Variants in TMTC4 observed in about 807,000 individuals in gnomAD.
TMTC4 encodes the protein transmembrane O-mannosyltransferase targeting cadherins 4, also known as protein O-mannosyl-transferase TMTC4.
A neutral mutation model predicts 86.0 loss-of-function variants in TMTC4; 65 were observed. The ratio of observed to expected loss-of-function variants is 0.76; its 90% CI spans 0.62 to 0.93. The LOEUF is 0.93. TMTC4 is among the 40% of genes least tolerant of loss of function. The pLI is 0.00. For missense variants in TMTC4, 866 were observed against 948.1 expected (o/e 0.91, Z 1.14); for synonymous variants, 379 against 382.5 (o/e 0.99, Z 0.11).
chr13:100,641,676 G>A (rs904209159), intron 7 of TMTC4, among the ~76,000 whole-genome samples: 2 of 152,092 alleles, frequency 1.3e-5, no homozygotes, highest in African/African-American at 4.8e-5. Flanking sequence ...TAGTAGAGAA[G>A]GGGTTTCTCC....
At chr13:100,626,445 T>A (rs778114980) in intron 12 of TMTC4, among the ~76,000 whole-genome samples, 7 of 152,214 alleles carry the variant, frequency 4.6e-5, no homozygotes, top group African/African-American at 7.2e-5. Flanking sequence ...CTGGGCTTTT[T>A]AAAATTTTAC....
chr13:100,613,841 C>G (rs1878034377), intron 16 of TMTC4, among the ~76,000 whole-genome samples: 1 of 135,664 alleles, frequency 7.4e-6, no homozygotes, highest in East Asian at 2.4e-4. Context: ...CCCTACCCGC[C>G]CCCCCCTTTT....
chr13:100,673,772 A>G (rs1427918339), intron 1 of TMTC4, among the ~76,000 whole-genome samples: 1 of 152,180 alleles, frequency 6.6e-6, no homozygotes, highest in Admixed American at 6.5e-5. Flanking sequence ...GCTAGCTTGT[A>G]GCCATTTCCC....
intron 5 of TMTC4, among the ~76,000 whole-genome samples, chr13:100,659,958 T>C (rs1885564125): frequency 6.7e-6 from 1 of 148,518 alleles, no homozygotes; most frequent in Admixed American, 6.8e-5. Context: ...TTATTTGCAG[T>C]GGGAAAAATC....
chr13:100,671,501 T>C (rs1887099233), intron 1 of TMTC4, among the ~76,000 whole-genome samples: 1 of 152,134 alleles, frequency 6.6e-6, no homozygotes, highest in African/African-American at 2.4e-5. Flanking sequence ...CCCCAGGATA[T>C]ATAAGGCAGA....
At chr13:100,640,883 A>G (rs909967893) in intron 7 of TMTC4, among the ~76,000 whole-genome samples, 1 of 152,044 alleles carries the variant, frequency 6.6e-6, no homozygotes, top group Admixed American at 6.6e-5. Flanking sequence ...CTTAATTTCT[A>G]TATTTTCTTC....
chr13:100,650,190 C>T (rs888298801), intron 6 of TMTC4, among the ~76,000 whole-genome samples: 2 of 152,224 alleles, frequency 1.3e-5, no homozygotes, highest in African/African-American at 2.4e-5. Context: ...CAATAGTTTA[C>T]GATCCAGAAT....
chr13:100,653,060 T>TA (rs1316701576), intron 6 of TMTC4, among the ~76,000 whole-genome samples: 2 of 152,230 alleles, frequency 1.3e-5, no homozygotes, highest in African/African-American at 4.8e-5. Flanking sequence ...ATGGGGCTCT[T>TA]ACTGCTTCTT....
intron 1 of TMTC4, chr13:100,674,172 G>GCGCCCGGT: frequency 2.1e-6 from 2 of 973,382 alleles, no homozygotes; most frequent in Non-Finnish European, 2.4e-6. Flanking sequence ...GTGGCCCCGG[G>GCGCCCGGT]CGCCCGGGCC....
Position 100,663,749 on chromosome 13 carries a change from G to A in TMTC4, c.335+472C>T, listed in dbSNP as rs530805290. 9.9e-5 allele frequency among the ~76,000 whole-genome samples: 15 copies of A among 152,258 alleles called. No homozygotes were observed. The South Asian group carries it at 2.3e-3, about 23-fold the overall frequency. On this transcript the variant is annotated intron_variant, in intron 4 of 18. Coordinates refer to ENST00000342624, the MANE Select transcript of TMTC4 (RefSeq NM_032813.5). ...TACTCACAAGTGTTTAAATGCACCC[G>A]AGGAGCAGGTATGGACGAGAACCTT...
At chr13:100,670,293 AG>A in intron 2 of TMTC4, 66 bp downstream of exon 2, 1 of 1,563,040 alleles carries the variant, frequency 6.4e-7, no homozygotes, top group South Asian at 1.2e-5. Flanking sequence ...CTGAAGTCAC[AG>A]GCATCTTTCT....
chr13:100,624,030 G>T, intron 15 of TMTC4: 1 of 271,386 alleles, frequency 3.7e-6, no homozygotes, highest in Admixed American at 4.0e-5. Flanking sequence ...GTTATCAATA[G>T]AAACACCACC....
intron 15 of TMTC4, among the ~76,000 whole-genome samples, chr13:100,622,224 T>A (rs1024255668): frequency 1.5e-4 from 23 of 152,218 alleles, no homozygotes; most frequent in Admixed American, 1.5e-3. Flanking sequence ...CATCATGCCA[T>A]TCCATGAGTT....
intron 16 of TMTC4, 74 bp from the exon 17 acceptor site, chr13:100,612,584 C>G (rs1458330392): frequency 2.7e-6 from 3 of 1,125,164 alleles, no homozygotes; most frequent in Non-Finnish European, 4.0e-6. Flanking sequence ...CTATAACTAA[C>G]AGGGTTTATG....
In TMTC4 at chr13:100,668,617, A is replaced by G; in HGVS notation, c.181T>C (p.Phe61Leu). 6.2e-7 allele frequency: 1 copy of G among 1,614,234 alleles called. No homozygotes were observed. The highest frequency in any genetic ancestry group is 1.7e-5 in the Admixed American group (1 of 60,028). The change falls in exon 3 of 19, where the codon TTT becomes CTT. Residue 61 changes from phenylalanine to leucine, a missense_variant. Physicochemically the swap from Phe to Leu is conservative, Grantham distance 22. Coordinates refer to ENST00000342624, the MANE Select transcript of TMTC4 (RefSeq NM_032813.5). ...VCFARSYDGDFVFDDSEAIVN... is the reference protein window; with the variant it reads ...VCFARSYDGDLVFDDSEAIVN... The stretch of plus-strand genomic sequence containing the variant: ...ATAGCTTCTGAGTCATCAAAGACAA[A>G]GTCTCCATCATAGCTGCGTGCAAAA...
intron 2 of TMTC4, 51 bp downstream of exon 2, chr13:100,670,309 C>G: frequency 6.3e-7 from 1 of 1,594,436 alleles, no homozygotes; most frequent in Non-Finnish European, 8.5e-7. Flanking sequence ...CTTTCTATAG[C>G]CTTCTGTCTG....
At chr13:100,662,213 A>C (rs1222961882) in intron 5 of TMTC4, among the ~76,000 whole-genome samples, 1 of 131,208 alleles carries the variant, frequency 7.6e-6, no homozygotes, top group Non-Finnish European at 1.6e-5. Context: ...CCTCCACCTC[A>C]CCCTGTGTGA....
At chr13:100,629,468 C>T (rs577169142) in intron 12 of TMTC4, among the ~76,000 whole-genome samples, 4 of 152,206 alleles carry the variant, frequency 2.6e-5, no homozygotes, top group East Asian at 1.9e-4. Flanking sequence ...TAAACTGCTT[C>T]GGGGCCATTC....
At chr13:100,654,028 T>C (rs1046349811) in intron 6 of TMTC4, among the ~76,000 whole-genome samples, 5 of 152,232 alleles carry the variant, frequency 3.3e-5, no homozygotes, top group African/African-American at 1.2e-4. Context: ...CGCTTTCCTT[T>C]TCCTCAAGAG....
Sources: allele counts gnomAD v4.1 joint callset (sites outside exome capture counted in the v4.1 genomes callset), GRCh38; gene constraint gnomAD v4.1.1; transcripts MANE v1.5; gene names NCBI Gene and HGNC (gene_info 2026-07-23, HGNC 2026-07-21).